Variants in HLCS observed in about 807,000 individuals in gnomAD.
HLCS encodes the protein biotin--protein ligase.
In HLCS, 53 loss-of-function variants were observed where a neutral mutation model predicts 75.0. That is an observed-to-expected ratio of 0.71 (90% confidence interval 0.57 to 0.89). The LOEUF is 0.89. Among genes scored for constraint, HLCS ranks in the 40% least tolerant of loss-of-function variants. The probability of loss-of-function intolerance (pLI) is 0.00; values close to 1 mark genes in which losing one functional copy is unlikely to be tolerated. For missense variants in HLCS, 966 were observed against 1,074.0 expected (o/e 0.90, Z 1.41); for synonymous variants, 431 against 428.6 (o/e 1.01, Z -0.07).
intron 6 of HLCS, among the ~76,000 whole-genome samples, chr21:36,878,610 A>G (rs1405733282): frequency 9.9e-5 from 15 of 152,152 alleles, no homozygotes; most frequent in Admixed American, 9.8e-4. Flanking sequence ...AGAGGAACAA[A>G]AAAGTAACTT....
intron 6 of HLCS, among the ~76,000 whole-genome samples, chr21:36,786,721 G>C (rs971089317): frequency 6.6e-6 from 1 of 152,208 alleles, no homozygotes; most frequent in Non-Finnish European, 1.5e-5. Flanking sequence ...AGAGTCAGTG[G>C]AGTCTTTAAT....
chr21:36,936,661 C>A lies in HLCS; in HGVS notation c.1225G>T (p.Ala409Ser), dbSNP rs1312218682. 2 of 1,614,080 alleles carry A rather than the reference C, an allele frequency of 1.2e-6. No individual in the cohort carries two copies. Among genetic ancestry groups the A allele is most frequent in the Middle Eastern group, 1.6e-4 (1 of 6,084 alleles). The change falls in exon 4 of 11, where the codon GCA becomes TCA. Residue 409 changes from alanine (A) to serine (S), a missense_variant. Transcript: ENST00000674895. ...FGGFQVTSKGALHKTVQNLVF... is the reference protein window; with the variant it reads ...FGGFQVTSKGSLHKTVQNLVF... ...AAGTTCTGGACTGTCTTGTGCAGTG[C>A]ACCCTTGCTTGTCACCTGAAAGCCA... is the stretch of plus-strand genomic sequence containing the variant.
At chr21:36,896,614 A>G in intron 6 of HLCS, 1 of 552,160 alleles carries the variant, frequency 1.8e-6, no homozygotes, top group East Asian at 3.0e-5. Context: ...TGAGGGCCTG[A>G]TTCAAAGAAG....
In HLCS at chr21:36,807,219, A is replaced by G. The variant is rs116654817; in HGVS notation, c.1893-39934T>C. On this transcript the variant is annotated intron_variant, in intron 6 of 10. Transcript: ENST00000674895. The stretch of plus-strand genomic sequence containing the variant: ...CGCAAGAGCATGAAAACCTGAGGAC[A>G]GAGACCACCAGGACCAACAAAGGCT... Among the ~76,000 whole-genome samples the G allele has an allele frequency of 2.7e-3, 409 of 152,276 alleles. 3 individuals are homozygous for G. The highest frequency in any genetic ancestry group is 9.4e-3 in the African/African-American group (392 of 41,552).
chr21:36,989,163 A>G (rs1160263664), intron 1 of HLCS, among the ~76,000 whole-genome samples: 1 of 151,496 alleles, frequency 6.6e-6, no homozygotes, highest in Admixed American at 6.6e-5. Context: ...CAGCCTCCGG[A>G]GTAGCTGAAA....
chr21:36,909,978 C>T (rs961660570), intron 5 of HLCS, among the ~76,000 whole-genome samples: 3 of 152,180 alleles, frequency 2.0e-5, no homozygotes, highest in African/African-American at 7.2e-5. Context: ...GTCATAACAT[C>T]GTAAGTTGCT....
intron 2 of HLCS, among the ~76,000 whole-genome samples, chr21:36,949,644 T>A (rs890452380): frequency 2.0e-5 from 3 of 152,248 alleles, no homozygotes; most frequent in African/African-American, 7.2e-5. Flanking sequence ...GCAGCCATCT[T>A]CAATGCGCTG....
chr21:36,804,948 C>A (rs2061320150), intron 6 of HLCS, among the ~76,000 whole-genome samples: 1 of 152,198 alleles, frequency 6.6e-6, no homozygotes, highest in Non-Finnish European at 1.5e-5. Context: ...GACAAACTGT[C>A]TCTCCATGGT....
At chr21:36,770,903 C>A (rs911343885) in intron 6 of HLCS, among the ~76,000 whole-genome samples, 2 of 152,070 alleles carry the variant, frequency 1.3e-5, no homozygotes, top group African/African-American at 4.8e-5. Flanking sequence ...AAGTATAAGA[C>A]CAAAAGGTCC....
At chr21:36,884,573 C>A (rs2064366327) in intron 6 of HLCS, among the ~76,000 whole-genome samples, 1 of 152,224 alleles carries the variant, frequency 6.6e-6, no homozygotes, top group Admixed American at 6.5e-5. Flanking sequence ...CACTACTAAA[C>A]TAAAATCAAC....
chr21:36,757,046 T>G (rs551599628), intron 9 of HLCS: 1 of 689,010 alleles, frequency 1.5e-6, no homozygotes, highest in African/African-American at 1.9e-5. Context: ...TAGAAGCTAT[T>G]AAATATGGGA....
intron 6 of HLCS, among the ~76,000 whole-genome samples, chr21:36,808,267 A>C (rs1601339162): frequency 6.6e-6 from 1 of 152,120 alleles, no homozygotes; most frequent in African/African-American, 2.4e-5. Flanking sequence ...TTCTTCAAAA[A>C]CCCAAGGTTA....
intron 6 of HLCS, among the ~76,000 whole-genome samples, chr21:36,780,021 T>C (rs986941827): frequency 6.6e-6 from 1 of 152,168 alleles, no homozygotes; most frequent in Non-Finnish European, 1.5e-5. Flanking sequence ...AATGAATGGA[T>C]ACATGCATAT....
rs146448211 is a variant in HLCS, at chr21:36,756,558, G to T, written c.2434C>A (p.Arg812=). ...AGCACTGACCTGTGGACCCAGTATC[G>T]GTAATAAAGGGGAAGGACGCTGTTG... is the stretch of plus-strand genomic sequence containing the variant. ...GPNSVLPLYY[R]YWVHSGQQVH... Residue 812 remains arginine, a synonymous_variant, in exon 10 of 11, where the codon CGA becomes AGA. Transcript: ENST00000674895. 1 of 1,610,742 alleles carries T rather than the reference G, an allele frequency of 6.2e-7. No individual in the cohort carries two copies. The highest frequency in any genetic ancestry group is 1.1e-5 in the South Asian group (1 of 91,006).
rs115319059 is a variant in HLCS, at chr21:36,823,112, C to T, written c.1893-55827G>A. 2.7e-3 allele frequency among the ~76,000 whole-genome samples: 413 copies of T among 152,260 alleles called. 3 individuals carry two copies. Among genetic ancestry groups the T allele is most frequent in the African/African-American group, 9.7e-3 (403 of 41,544 alleles). On this transcript the variant is annotated intron_variant, in intron 6 of 10. Coordinates refer to ENST00000674895, the MANE Select transcript of HLCS (RefSeq NM_001352514.2). ...AGACCCCGCTGATGGTAGTATACAT[C>T]CCAATTTCAGAAGTGTTAAAATGTG...
Position 36,962,045 on chromosome 21 carries a change from A to G in HLCS, c.321T>C (p.Ser107=). ...TAAACATGGTACTCACTGTTTCTGA[A>G]GAGGATGATCTCTGTAAATTCTCAC... ...VQSENLQRSS[S]SETIVKWSDC... Residue 107 remains serine (S), a synonymous_variant, in exon 2 of 11, where the codon TCT becomes TCC. Transcript: ENST00000674895. The G allele has an allele frequency of 7.8e-7, 1 of 1,289,426 alleles. No homozygotes were observed. The highest frequency in any genetic ancestry group is 1.2e-5 in the South Asian group (1 of 81,016). 79.9% of individuals were successfully genotyped at this position (1,289,426 alleles called of 1,614,324 possible). A position where few individuals can be genotyped will look rare whatever the true frequency, so the allele number is the denominator to read the frequency against.
intron 6 of HLCS, among the ~76,000 whole-genome samples, chr21:36,832,131 C>T (rs886988190): frequency 8.5e-5 from 13 of 152,228 alleles, no homozygotes; most frequent in African/African-American, 3.1e-4. Flanking sequence ...TAAGGCCAGC[C>T]GGGTGGGTTG....
intron 6 of HLCS, among the ~76,000 whole-genome samples, chr21:36,881,541 C>A (rs897649789): frequency 5.9e-5 from 9 of 152,194 alleles, no homozygotes; most frequent in Non-Finnish European, 1.3e-4. Context: ...ACCAGAGGGG[C>A]CACACATATT....
intron 6 of HLCS, among the ~76,000 whole-genome samples, chr21:36,857,101 C>A (rs776747133): frequency 1.3e-5 from 2 of 152,112 alleles, no homozygotes; most frequent in Non-Finnish European, 2.9e-5. Flanking sequence ...AATGCCTCTA[C>A]CAAAATAGGT....
Sources: gnomAD v4.1 joint callset for allele counts (sites outside exome capture counted in the v4.1 genomes callset) on GRCh38, gnomAD v4.1.1 for gene constraint, MANE v1.5 for transcripts, NCBI Gene and HGNC (gene_info 2026-07-23, HGNC 2026-07-21) for gene names.